PRORP: variants seen among roughly 807,000 people sequenced by gnomAD.
The protein encoded by PRORP is mitochondrial ribonuclease P catalytic subunit.
In PRORP, 51 loss-of-function variants were observed where a neutral mutation model predicts 59.4. That is an observed-to-expected ratio of 0.86 (90% CI 0.69 to 1.08). PRORP has a LOEUF of 1.08. Ranked by LOEUF, PRORP falls within the 50% of genes least tolerant of loss-of-function variation. The probability of loss-of-function intolerance (pLI) is 0.00; values close to 1 mark genes in which losing one functional copy is unlikely to be tolerated. For synonymous variants in PRORP, 231 were observed against 245.6 expected (o/e 0.94, Z 0.55); for missense variants, 646 against 690.3 (o/e 0.94, Z 0.72).
intron 5 of PRORP, among the ~76,000 whole-genome samples, chr14:35,243,380 A>G (rs980748344): frequency 2.0e-5 from 3 of 152,026 alleles, no homozygotes; most frequent in Non-Finnish European, 4.4e-5. Context: ...ATAAAAAAAT[A>G]CAAAAATTAG....
At chr14:35,202,711 C>G (rs753409670) in intron 5 of PRORP, among the ~76,000 whole-genome samples, 2 of 152,080 alleles carry the variant, frequency 1.3e-5, no homozygotes, top group Non-Finnish European at 2.9e-5. Flanking sequence ...CTCACTGCAG[C>G]CTTGAACTCC....
intron 5 of PRORP, among the ~76,000 whole-genome samples, chr14:35,199,848 C>T (rs575302694): frequency 1.3e-5 from 2 of 152,306 alleles, no homozygotes; most frequent in East Asian, 3.9e-4. Context: ...ATTGCTTATG[C>T]ATGTAAAGTT....
intron 5 of PRORP, among the ~76,000 whole-genome samples, chr14:35,189,978 A>G (rs2048842247): frequency 6.6e-6 from 1 of 151,636 alleles, no homozygotes; most frequent in Non-Finnish European, 1.5e-5. Flanking sequence ...GTGTGGTGGC[A>G]CTTTCCTGTA....
intron 5 of PRORP, among the ~76,000 whole-genome samples, chr14:35,192,787 C>T (rs1032739039): frequency 1.3e-4 from 20 of 151,970 alleles, no homozygotes; most frequent in African/African-American, 4.3e-4. Flanking sequence ...TGAGGTCAGG[C>T]GTTCAAGACC....
chr14:35,122,425 C>T (rs1464037226), upstream of PRORP: 1 of 158,320 alleles, frequency 6.3e-6, no homozygotes, highest in Non-Finnish European at 1.4e-5. Flanking sequence ...CAGCCGTCTC[C>T]TACCCCTTTT....
intron 5 of PRORP, among the ~76,000 whole-genome samples, chr14:35,259,072 T>C (rs1292409830): frequency 6.6e-6 from 1 of 152,252 alleles, no homozygotes; most frequent in Non-Finnish European, 1.5e-5. Flanking sequence ...ACTGTAGTTG[T>C]AGATTTGGCT....
Position 35,139,350 on chromosome 14 carries a change from A to T in PRORP, c.1167+11739A>T, listed in dbSNP as rs978098107. ...AGTGTACAACTTTATGAGTTTTGTCATATGTATATACCTGTGGAACTGTCA... is the reference window on the plus strand; with the variant it reads ...AGTGTACAACTTTATGAGTTTTGTCTTATGTATATACCTGTGGAACTGTCA... On this transcript the variant is annotated intron_variant, in intron 4 of 7. Coordinates refer to ENST00000534898, the MANE Select transcript of PRORP (RefSeq NM_014672.4). 2.1e-5 allele frequency among the ~76,000 whole-genome samples: 3 copies of T among 145,852 alleles called. 1 individual carries two copies. The highest frequency in any genetic ancestry group is 4.6e-5 in the Non-Finnish European group (3 of 65,644).
chr14:35,242,469 T>C (rs1350782808), intron 5 of PRORP, among the ~76,000 whole-genome samples: 1 of 152,096 alleles, frequency 6.6e-6, no homozygotes, highest in African/African-American at 2.4e-5. Flanking sequence ...TGTTTATTGT[T>C]GGGGGGGAGT....
chr14:35,249,061 A>G (rs896733637), intron 5 of PRORP, among the ~76,000 whole-genome samples: 1 of 152,154 alleles, frequency 6.6e-6, no homozygotes, highest in Non-Finnish European at 1.5e-5. Flanking sequence ...CTTTTTCCCT[A>G]AAGTGGTCTT....
At chr14:35,224,583 C>T (rs150462214) in intron 5 of PRORP, among the ~76,000 whole-genome samples, 2 of 152,188 alleles carry the variant, frequency 1.3e-5, no homozygotes, top group African/African-American at 4.8e-5. Flanking sequence ...GCCTTAAACA[C>T]TAATTATGCA....
intron 6 of PRORP, among the ~76,000 whole-genome samples, chr14:35,268,488 G>T (rs2051104637): frequency 6.6e-6 from 1 of 152,076 alleles, no homozygotes; most frequent in African/African-American, 2.4e-5. Context: ...TATTGTTTGT[G>T]CTAACAAAAG....
intron 2 of PRORP, 94 bp from the exon 3 acceptor site, chr14:35,126,641 T>A: frequency 1.0e-6 from 1 of 952,718 alleles, no homozygotes; most frequent in Non-Finnish European, 1.6e-6. Flanking sequence ...CTTTTCGGAC[T>A]TCTTGCTTAT....
intron 5 of PRORP, among the ~76,000 whole-genome samples, chr14:35,199,482 C>T (rs953792846): frequency 1.3e-5 from 2 of 152,020 alleles, no homozygotes; most frequent in African/African-American, 2.4e-5. Context: ...ACTCTGCCCT[C>T]GTGGATGGGA....
chr14:35,238,093 A>T (rs778241592), intron 5 of PRORP, among the ~76,000 whole-genome samples: 1 of 151,686 alleles, frequency 6.6e-6, no homozygotes, highest in Non-Finnish European at 1.5e-5. Flanking sequence ...GAAACCAAAC[A>T]CTGTATTAAA....
intron 4 of PRORP, 41 bp from the exon 5 acceptor site, chr14:35,180,629 C>G: frequency 8.0e-7 from 1 of 1,244,380 alleles, no homozygotes; most frequent in Non-Finnish European, 1.2e-6. Flanking sequence ...AAAGTCCTTA[C>G]TGAGTTCTTA....
At chr14:35,174,733 ATTCT>A (rs138302843) in intron 4 of PRORP, among the ~76,000 whole-genome samples, 18,287 of 142,662 alleles carry the variant, frequency 0.13, 1,293 homozygotes, top group Admixed American at 0.25. Context: ...TTGACAGTTC[ATTCT>A]TCTTTTTTTT....
intron 5 of PRORP, among the ~76,000 whole-genome samples, chr14:35,226,133 G>A (rs1034723782): frequency 6.6e-6 from 1 of 152,118 alleles, no homozygotes. Flanking sequence ...TAATATTTGT[G>A]CCATGATGTT....
chr14:35,164,344 G>A (rs2048130779), intron 4 of PRORP, among the ~76,000 whole-genome samples: 1 of 152,194 alleles, frequency 6.6e-6, no homozygotes, highest in Non-Finnish European at 1.5e-5. Flanking sequence ...ACTCATATGT[G>A]CATTGCTGCG....
At chr14:35,271,710 A>G (rs1233089749) in intron 7 of PRORP, among the ~76,000 whole-genome samples, 1 of 152,210 alleles carries the variant, frequency 6.6e-6, no homozygotes, top group African/African-American at 2.4e-5. Context: ...GGCCCGTGGT[A>G]TAATAAATAA....
Sources: gnomAD v4.1 joint callset for allele counts (sites outside exome capture counted in the v4.1 genomes callset) on GRCh38, gnomAD v4.1.1 for gene constraint, MANE v1.5 for transcripts, NCBI Gene and HGNC (gene_info 2026-07-23, HGNC 2026-07-21) for gene names.